The following ZSCAN5A variants were observed in gnomAD, a reference collection of about 807,000 sequenced individuals.
ZSCAN5A encodes the protein zinc finger and SCAN domain-containing protein 5A.
A neutral mutation model predicts 23.7 loss-of-function variants in ZSCAN5A; 12 were observed. That is an observed-to-expected ratio of 0.51 (90% CI 0.32 to 0.82). ZSCAN5A has a LOEUF of 0.82. Ranked by LOEUF, ZSCAN5A falls within the 40% of genes least tolerant of loss-of-function variation. ZSCAN5A has a pLI of 0.03. For missense variants in ZSCAN5A, 597 were observed against 617.9 expected (o/e 0.97, Z 0.36); for synonymous variants, 257 against 239.9 (o/e 1.07, Z -0.66).
intron 2 of ZSCAN5A, among the ~76,000 whole-genome samples, chr19:56,242,758 T>G (rs1393761200): frequency 6.7e-6 from 1 of 148,670 alleles, no homozygotes; most frequent in East Asian, 2.0e-4. Context: ...TAGAACCAAA[T>G]TTCAAAAAAT....
At chr19:56,338,539 G>A (rs1191977376) in intron 2 of ZSCAN5A, 4 of 152,198 alleles carry the variant, frequency 2.6e-5, no homozygotes, top group Non-Finnish European at 4.4e-5. Context: ...GATGTCAGGC[G>A]GGTTACTTTC....
chr19:56,228,413 C>A, intron 2 of ZSCAN5A: 3 of 985,362 alleles, frequency 3.0e-6, no homozygotes, highest in Non-Finnish European at 3.6e-6. Context: ...GTCCATTTTA[C>A]GTAATCGGCG....
chr19:56,230,615 A>ATACGTGTGTG (rs778155664), intron 2 of ZSCAN5A, among the ~76,000 whole-genome samples: 1 of 147,588 alleles, frequency 6.8e-6, no homozygotes, highest in Non-Finnish European at 1.5e-5. Flanking sequence ...TTATTTCTTG[A>ATACGTGTGTG]TGTGTGTGTG....
intron 2 of ZSCAN5A, among the ~76,000 whole-genome samples, chr19:56,237,978 C>CACACACACGG (rs2035081252): frequency 6.9e-5 from 6 of 87,440 alleles, no homozygotes; most frequent in Admixed American, 2.6e-4. Flanking sequence ...CACACGGACA[C>CACACACACGG]ACACACATAC....
intron 2 of ZSCAN5A, among the ~76,000 whole-genome samples, chr19:56,331,495 C>G (rs1462245005): frequency 6.8e-6 from 1 of 146,246 alleles, no homozygotes; most frequent in South Asian, 2.1e-4. Flanking sequence ...TGTAGTTCCC[C>G]TGGTAGAGAT....
At chr19:56,241,044 C>T (rs1197454487) in intron 2 of ZSCAN5A, among the ~76,000 whole-genome samples, 3 of 152,216 alleles carry the variant, frequency 2.0e-5, no homozygotes, top group Non-Finnish European at 4.4e-5. Flanking sequence ...TGGATTTTCC[C>T]TTTCCACAGG....
At position 56,340,993 on chromosome 19, in the gene ZSCAN5A, T is replaced by C. The variant is rs116975973; in HGVS notation, c.-358+22242A>G. ...GGGATTGTCTTGTGAAAGGGAAATA[T>C]CTTGGATCCCTTCAAGCTGGGAACC... On this transcript the variant is annotated intron_variant, in intron 2 of 6. Coordinates refer to the ZSCAN5A transcript ENST00000587340. The C allele has an allele frequency of 3.3e-5, 5 of 152,316 alleles. No homozygotes were observed. The East Asian group carries it at 9.7e-4, about 29-fold the overall frequency. 9.4% of individuals were successfully genotyped at this position (152,316 alleles called of 1,614,324 possible).
rs2033616158 is a variant in ZSCAN5A at position 56,223,936 on chromosome 19, T to C, written c.385-102A>G. On this transcript the variant is annotated intron_variant, in intron 3 of 5. Transcript: ENST00000683990. ...AATGCTCACACTTTACTGTAATTAA[T>C]GTTCAAATCTGCCTTCCCAATAGAG... The C allele has an allele frequency of 3.9e-5, 42 of 1,069,526 alleles. 1 individual carries two copies. In the South Asian group the frequency reaches 6.3e-4, roughly 16 times the overall value. 66.3% of individuals were successfully genotyped at this position (1,069,526 alleles called of 1,614,324 possible).
intron 2 of ZSCAN5A, among the ~76,000 whole-genome samples, chr19:56,234,704 A>C (rs1352025847): frequency 6.9e-6 from 1 of 145,430 alleles, no homozygotes; most frequent in Non-Finnish European, 1.5e-5. Context: ...CCACCGGTGC[A>C]TGCAGCCCCT....
At chr19:56,268,789 T>G (rs1482952058) in intron 2 of ZSCAN5A, among the ~76,000 whole-genome samples, 1 of 152,124 alleles carries the variant, frequency 6.6e-6, no homozygotes, top group Non-Finnish European at 1.5e-5. Flanking sequence ...CCTCTTTCCC[T>G]CCCCATTCCT....
Position 56,320,684 on chromosome 19 carries a change from T to C in ZSCAN5A, c.-357-4416A>G. 5.0e-6 allele frequency: 4 copies of C among 796,858 alleles called. No individual in the cohort carries two copies. The South Asian group carries it at 5.3e-5, about 11-fold the overall frequency. 49.4% of individuals were successfully genotyped at this position (796,858 alleles called of 1,614,324 possible). ...AATCATATCCACGGTGGTGCAGGAA[T>C]ACTCCTTAATCCCATAGTTCACCTC... On this transcript the variant is annotated intron_variant, in intron 2 of 6. Transcript: ENST00000587340.
At chr19:56,240,147 G>A (rs2035313279) in intron 2 of ZSCAN5A, among the ~76,000 whole-genome samples, 1 of 151,222 alleles carries the variant, frequency 6.6e-6, no homozygotes, top group East Asian at 1.9e-4. Context: ...GGGGGACAGT[G>A]TGAGACTCTG....
intron 2 of ZSCAN5A, among the ~76,000 whole-genome samples, chr19:56,258,368 C>G (rs554291623): frequency 2.1e-4 from 32 of 152,124 alleles, no homozygotes; most frequent in Admixed American, 2.1e-3. Context: ...CCTTGAAGGT[C>G]TCACCTTCCA....
At chr19:56,251,167 G>A (rs78153326) in intron 2 of ZSCAN5A, among the ~76,000 whole-genome samples, 3 of 125,640 alleles carry the variant, frequency 2.4e-5, no homozygotes, top group Middle Eastern at 4.3e-3. Flanking sequence ...AAAAAAAAAA[G>A]ACCACTGATG....
chr19:56,261,401 G>A, intron 2 of ZSCAN5A, among the ~76,000 whole-genome samples: 1 of 152,102 alleles, frequency 6.6e-6, no homozygotes, highest in East Asian at 1.9e-4. Flanking sequence ...CTTCCTGAAG[G>A]AAGTGACATC....
At chr19:56,252,313 C>T (rs1335797985) in intron 2 of ZSCAN5A, among the ~76,000 whole-genome samples, 1 of 152,192 alleles carries the variant, frequency 6.6e-6, no homozygotes, top group Non-Finnish European at 1.5e-5. Context: ...GAGGCTGTAA[C>T]AACGCAAAGG....
At chr19:56,237,540 T>C (rs916018068) in intron 2 of ZSCAN5A, among the ~76,000 whole-genome samples, 3 of 152,188 alleles carry the variant, frequency 2.0e-5, no homozygotes, top group Admixed American at 2.0e-4. Flanking sequence ...TTTTTTATCT[T>C]CTATATTTTC....
At chr19:56,246,272 CAGTTT>C (rs2035885585) in intron 2 of ZSCAN5A, 1 of 286,506 alleles carries the variant, frequency 3.5e-6, no homozygotes, top group Non-Finnish European at 6.5e-6. Context: ...CATGACCCAC[CAGTTT>C]AGACAGGGCA....
intron 2 of ZSCAN5A, chr19:56,244,483 G>A (rs574291197): frequency 1.2e-4 from 179 of 1,511,556 alleles, no homozygotes; most frequent in Middle Eastern, 2.5e-4. Context: ...GGGGCTGCAC[G>A]GTGCAGCTGG....
Sources: gnomAD v4.1 joint callset for allele counts (sites outside exome capture counted in the v4.1 genomes callset) on GRCh38, gnomAD v4.1.1 for gene constraint, MANE v1.5 for transcripts, NCBI Gene and HGNC (gene_info 2026-07-23, HGNC 2026-07-21) for gene names.